The following LRRC8A variants were observed in gnomAD, a reference collection of about 807,000 sequenced individuals.
The protein encoded by LRRC8A is volume-regulated anion channel subunit LRRC8A.
LRRC8A carries 24 observed loss-of-function variants against 52.5 expected under a neutral mutation model. The ratio of observed to expected loss-of-function variants is 0.46; its 90% confidence interval spans 0.33 to 0.64. The LOEUF (loss-of-function observed/expected upper bound fraction) is 0.64, where lower values mean the gene tolerates loss of function less well. LRRC8A is among the 30% of genes least tolerant of loss of function. The pLI is 0.02. For missense variants in LRRC8A, 677 were observed against 1,094.7 expected, an observed-to-expected ratio of 0.62 and a Z score of 5.38; for synonymous variants, 492 against 494.2, an observed-to-expected ratio of 1.00 and a Z score of 0.06.
In LRRC8A at chr9:128,911,135, C is replaced by CA. The variant is rs1840508363; in HGVS notation, c.2157+1814_2157+1815insA. ...ACGGAGGGAGGTGGCCCCTGGAATGCCCTGTCTGTCCTCCTGGGCCCCAGG... is the reference window on the plus strand; with the variant it reads ...ACGGAGGGAGGTGGCCCCTGGAATGCACCTGTCTGTCCTCCTGGGCCCCAGG... On this transcript the variant is annotated intron_variant, in intron 3 of 3. Coordinates refer to ENST00000372600, the MANE Select transcript of LRRC8A (RefSeq NM_019594.4). The surrounding 1 kb of genome is among the most constrained non-coding windows in gnomAD (Gnocchi z 4.9). Among the ~76,000 whole-genome samples, 1 of 152,106 alleles carries CA rather than the reference C, an allele frequency of 6.6e-6. No individual in the cohort carries two copies. The highest frequency in any genetic ancestry group is 2.4e-5 in the African/African-American group (1 of 41,410).
chr9:128,898,864 T>C (rs1380010423), intron 2 of LRRC8A, among the ~76,000 whole-genome samples: 1 of 152,252 alleles, frequency 6.6e-6, no homozygotes, highest in Non-Finnish European at 1.5e-5. Flanking sequence ...ATCTTCATGA[T>C]AGTCCTGAGA....
chr9:128,916,839 AGCGATGCC>A lies in LRRC8A; in HGVS notation c.*471_*478del, dbSNP rs921207888. ...CTGCCTTTTCCCCTTGTCCTTATTT[AGCGATGCC>A]GCCGGGCATTTAACACCCACCTGGA... On this transcript the variant is annotated 3_prime_UTR_variant, in exon 4 of 4. Transcript: ENST00000372600. This position sits in a 1 kb window ranked among gnomAD's most constrained non-coding sequence, Gnocchi z 6.1. The A allele has an allele frequency of 1.2e-5, 2 of 161,692 alleles. No homozygotes were observed. Among genetic ancestry groups the A allele is most frequent in the African/African-American group, 4.8e-5 (2 of 41,694 alleles). The allele number at this position is 161,692 out of a possible 1,614,324, so 10.0% of individuals were successfully genotyped here.
chr9:128,888,498 G>T (rs1480258036), intron 2 of LRRC8A, among the ~76,000 whole-genome samples: 2 of 152,166 alleles, frequency 1.3e-5, no homozygotes, highest in Non-Finnish European at 2.9e-5. Context: ...TCTGGAGGAA[G>T]TGTTGGTTGT....
At position 128,917,983 on chromosome 9, in the gene LRRC8A, A is replaced by G. The variant is rs552861943; in HGVS notation, c.*1612A>G. 2.0e-5 allele frequency: 3 copies of G among 152,678 alleles called. No individual in the cohort carries two copies. Among genetic ancestry groups the G allele is most frequent in the African/African-American group, 7.2e-5 (3 of 41,466 alleles). 9.5% of individuals were successfully genotyped at this position (152,678 alleles called of 1,614,324 possible). A position where few individuals can be genotyped will look rare whatever the true frequency, so the allele number is the denominator to read the frequency against. On this transcript the variant is annotated 3_prime_UTR_variant, in exon 4 of 4. Transcript: ENST00000372600. ...CAACCATGAAGCAAAAATCCGTTAC[A>G]TGTGGGTCTGAACTTGTAGACTCGG... is the stretch of plus-strand genomic sequence containing the variant.
chr9:128,893,020 G>C (rs529819930), intron 2 of LRRC8A, among the ~76,000 whole-genome samples: 2 of 152,152 alleles, frequency 1.3e-5, no homozygotes, highest in Non-Finnish European at 2.9e-5. Context: ...GTGCGTGCTG[G>C]GGGGGTCTCT....
At chr9:128,914,919 T>C (rs1369130104) in intron 3 of LRRC8A, among the ~76,000 whole-genome samples, 1 of 152,186 alleles carries the variant, frequency 6.6e-6, no homozygotes, top group Non-Finnish European at 1.5e-5. Context: ...TGCTCCTTGC[T>C]CCGCTAACAG....
chr9:128,900,313 C>A (rs1839976969), intron 2 of LRRC8A, among the ~76,000 whole-genome samples: 1 of 152,224 alleles, frequency 6.6e-6, no homozygotes, highest in African/African-American at 2.4e-5. Context: ...ACAATTGACT[C>A]TTGTCCTCAA....
chr9:128,882,570 A>C (rs1182787295), intron 1 of LRRC8A: 1 of 393,482 alleles, frequency 2.5e-6, no homozygotes, highest in African/African-American at 2.1e-5. Flanking sequence ...GGGTCCCCCC[A>C]GATCCTCACC....
At chr9:128,883,064 T>G (rs1839176754) in intron 1 of LRRC8A, among the ~76,000 whole-genome samples, 1 of 152,178 alleles carries the variant, frequency 6.6e-6, no homozygotes, top group African/African-American at 2.4e-5. Context: ...CTGTTGCGAT[T>G]GTTGCCTTTT....
chr9:128,886,156 C>G (rs1368134636), intron 2 of LRRC8A, 35 bp downstream of exon 2: 1 of 152,764 alleles, frequency 6.5e-6, no homozygotes, highest in Non-Finnish European at 1.5e-5. Flanking sequence ...TCAGCCAGCT[C>G]CAGCTCCAGT....
chr9:128,913,418 A>G (rs117460230), intron 3 of LRRC8A, among the ~76,000 whole-genome samples: 61 of 152,116 alleles, frequency 4.0e-4, no homozygotes, highest in African/African-American at 1.3e-3. Context: ...AGAGGGTGCA[A>G]TTGGGGGATT....
At position 128,908,867 on chromosome 9, in the gene LRRC8A, A is replaced by T; in HGVS notation, c.1703A>T (p.His568Leu). 6.2e-7 allele frequency: 1 copy of T among 1,613,786 alleles called. No homozygotes were observed. The highest frequency in any genetic ancestry group is 8.5e-7 in the Non-Finnish European group (1 of 1,180,018). ...LPQVVTDVGV[H>L]LQKLSINNEG... The stretch of plus-strand genomic sequence containing the variant: ...CAGGTGGTCACAGATGTGGGCGTGC[A>T]CCTGCAGAAGCTGTCCATCAACAAT... The change falls in exon 3 of 4, where the codon CAC becomes CTC. Residue 568 changes from histidine (H) to leucine (L), a missense_variant. By Grantham distance (99) the His-to-Leu change is moderately conservative. Coordinates refer to ENST00000372600, the MANE Select transcript of LRRC8A (RefSeq NM_019594.4).
Position 128,902,893 on chromosome 9 carries a change from G to T in LRRC8A, c.-8-4264G>T, listed in dbSNP as rs1036793523. Among the ~76,000 whole-genome samples the T allele has an allele frequency of 6.6e-6, 1 of 152,164 alleles. No individual in the cohort carries two copies. Among genetic ancestry groups the T allele is most frequent in the African/African-American group, 2.4e-5 (1 of 41,440 alleles). Reference sequence around the variant, plus strand: ...CTGGAGCTGCCAGCCCAGGGCGGGCGGTGGTGTCTGCTGGCCCCTTTGTGA... The same window carrying T: ...CTGGAGCTGCCAGCCCAGGGCGGGCTGTGGTGTCTGCTGGCCCCTTTGTGA... On this transcript the variant is annotated intron_variant, in intron 2 of 3. Transcript: ENST00000372600. This position sits in a 1 kb window ranked among gnomAD's most constrained non-coding sequence, Gnocchi z 4.1.
chr9:128,884,669 CAG>C (rs1329851012), intron 1 of LRRC8A, among the ~76,000 whole-genome samples: 3 of 152,120 alleles, frequency 2.0e-5, no homozygotes, highest in Non-Finnish European at 4.4e-5. Flanking sequence ...TAATTAGTGA[CAG>C]GGAGTCCAGG....
chr9:128,901,039 G>T (rs1312654033), intron 2 of LRRC8A, among the ~76,000 whole-genome samples: 1 of 152,162 alleles, frequency 6.6e-6, no homozygotes. Context: ...CGGGCATGGT[G>T]GTGCACGCCT....
intron 2 of LRRC8A, among the ~76,000 whole-genome samples, chr9:128,904,789 A>T (rs375124070): frequency 6.5e-4 from 99 of 151,880 alleles, no homozygotes; most frequent in African/African-American, 7.2e-4. Context: ...GGTCAGGAGA[A>T]CGAGACCATC....
chr9:128,886,621 G>C (rs1249298737), intron 2 of LRRC8A, among the ~76,000 whole-genome samples: 2 of 152,192 alleles, frequency 1.3e-5, no homozygotes, highest in Non-Finnish European at 2.9e-5. Context: ...ACACTTATTT[G>C]ATCGTGTAGA....
intron 2 of LRRC8A, among the ~76,000 whole-genome samples, chr9:128,900,319 C>T (rs1174385054): frequency 6.6e-6 from 1 of 152,204 alleles, no homozygotes; most frequent in Admixed American, 6.5e-5. Context: ...GACTCTTGTC[C>T]TCAAAGAGAA....
rs1412652516 is a variant in LRRC8A, at chr9:128,908,198, G to A, written c.1034G>A (p.Arg345Gln). The A allele has an allele frequency of 1.8e-5, 29 of 1,613,954 alleles. No individual in the cohort carries two copies. The highest frequency in any genetic ancestry group is 2.4e-5 in the Non-Finnish European group (28 of 1,180,026). The stretch of plus-strand genomic sequence containing the variant: ...ATGTATACACTGTGGTGGATGCTAC[G>A]GCGCTCCCTCAAGAAGTACTCGTTT... ...ICMYTLWWML[R>Q]RSLKKYSFES... The change falls in exon 3 of 4, where the codon CGG (arginine) becomes CAG (glutamine). Residue 345 changes from arginine (R) to glutamine (Q), a missense_variant. Transcript: ENST00000372600.
Sources: gnomAD v4.1 joint callset for allele counts (sites outside exome capture counted in the v4.1 genomes callset) on GRCh38, gnomAD v4.1.1 for gene constraint, Gnocchi (gnomAD v3.1) non-coding constraint, MANE v1.5 for transcripts, NCBI Gene and HGNC (gene_info 2026-07-23, HGNC 2026-07-21) for gene names.